FUT8: variants seen among roughly 807,000 people sequenced by gnomAD.
The protein encoded by FUT8 is fucosyltransferase 8, also known as alpha-(1,6)-fucosyltransferase.
In FUT8, 29 loss-of-function variants were observed where a neutral mutation model predicts 71.3. The ratio of observed to expected loss-of-function variants is 0.41; its 90% CI spans 0.30 to 0.55. FUT8 has a LOEUF of 0.55. Among genes scored for constraint, FUT8 ranks in the 20% least tolerant of loss-of-function variants. The pLI, the probability that FUT8 is intolerant of heterozygous loss-of-function variation, is 0.34. For missense variants in FUT8, 544 were observed against 702.1 expected (o/e 0.77, Z 2.55); for synonymous variants, 254 against 239.3 (o/e 1.06, Z -0.57).
At chr14:65,712,474 C>T (rs1345198572) in intron 7 of FUT8, among the ~76,000 whole-genome samples, 4 of 152,136 alleles carry the variant, frequency 2.6e-5, no homozygotes, top group Admixed American at 6.5e-5. Context: ...GACGAAGTTT[C>T]GCTCTATTGC....
chr14:65,480,890 A>G (rs1026712249), intron 2 of FUT8, among the ~76,000 whole-genome samples: 6 of 151,926 alleles, frequency 3.9e-5, no homozygotes, highest in East Asian at 1.9e-4. Flanking sequence ...GGGTTTCACC[A>G]TGTTGGCTAG....
chr14:65,627,072 AT>A lies in FUT8; in HGVS notation c.483-2416del, dbSNP rs2140255071. On this transcript the variant is annotated intron_variant, in intron 5 of 10. Coordinates refer to ENST00000673929, the MANE Select transcript of FUT8 (RefSeq NM_001371533.1). The surrounding 1 kb of genome is among the most constrained non-coding windows in gnomAD (Gnocchi z 4.0). ...ATTCATCTAAAGATATTTATCGAAT[AT>A]TTTGTCTGTGACATGCACTGTTCCA... 1.3e-5 allele frequency among the ~76,000 whole-genome samples: 2 copies of A among 152,334 alleles called. No homozygotes were observed. The highest frequency in any genetic ancestry group is 4.8e-5 in the African/African-American group (2 of 41,584).
chr14:65,454,339 T>G (rs1164102607), intron 1 of FUT8, among the ~76,000 whole-genome samples: 1 of 152,066 alleles, frequency 6.6e-6, no homozygotes, highest in African/African-American at 2.4e-5. Flanking sequence ...AATAAAGCAT[T>G]ATACAGGCTG....
intron 2 of FUT8, among the ~76,000 whole-genome samples, chr14:65,506,035 C>T (rs1341816467): frequency 1.3e-5 from 2 of 152,140 alleles, no homozygotes; most frequent in Admixed American, 6.5e-5. Context: ...ACTGTTGTAC[C>T]TAATGCACCA....
rs1222817416 is a variant in FUT8, at chr14:65,611,223, GCACACACACACACACACACACA to G, written c.204-4697_204-4676del. Among the ~76,000 whole-genome samples, 2 of 3,214 alleles carry G rather than the reference GCACACACACACACACACACACA, an allele frequency of 6.2e-4. 1 individual carries two copies. Among genetic ancestry groups the G allele is most frequent in the African/African-American group, 1.0e-3 (2 of 1,978 alleles). The allele number at this position is 3,214 out of a possible 152,430, so 2.1% of individuals were successfully genotyped here. ...CGCGCGCGCGCGCGCGCGCGCGCGC[GCACACACACACACACACACACA>G]CACACACACACACACACACACACAC... On this transcript the variant is annotated intron_variant, in intron 3 of 10. Coordinates refer to ENST00000673929, the MANE Select transcript of FUT8 (RefSeq NM_001371533.1).
At chr14:65,422,953 T>C (rs967196814) in intron 1 of FUT8, among the ~76,000 whole-genome samples, 6 of 151,418 alleles carry the variant, frequency 4.0e-5, no homozygotes, top group African/African-American at 1.5e-4. Context: ...CCACTGCACC[T>C]GGCCTCCTCA....
chr14:65,516,778 G>A (rs1269674428), intron 2 of FUT8, among the ~76,000 whole-genome samples: 1 of 151,762 alleles, frequency 6.6e-6, no homozygotes, highest in Non-Finnish European at 1.5e-5. Context: ...TCATTTTTAA[G>A]TATACAGTTC....
At chr14:65,541,571 C>G (rs886700104) in intron 2 of FUT8, among the ~76,000 whole-genome samples, 1 of 152,150 alleles carries the variant, frequency 6.6e-6, no homozygotes, top group Non-Finnish European at 1.5e-5. Context: ...AGAATTCACC[C>G]ATCCTCAACC....
intron 7 of FUT8, among the ~76,000 whole-genome samples, chr14:65,680,506 G>A (rs1043298866): frequency 2.6e-5 from 4 of 152,066 alleles, no homozygotes; most frequent in Non-Finnish European, 2.9e-5. Context: ...AGTAATATAT[G>A]GATCTATTTC....
chr14:65,722,756 T>C (rs1895482005), intron 8 of FUT8, among the ~76,000 whole-genome samples: 1 of 152,180 alleles, frequency 6.6e-6, no homozygotes, highest in Non-Finnish European at 1.5e-5. Flanking sequence ...TATGATTGTA[T>C]CCACATCTGG....
chr14:65,463,694 T>C (rs1333552428), intron 2 of FUT8, among the ~76,000 whole-genome samples: 1 of 152,216 alleles, frequency 6.6e-6, no homozygotes, highest in Non-Finnish European at 1.5e-5. Flanking sequence ...CCTGGGGCCA[T>C]GGTGGCTGAT....
At chr14:65,419,868 C>T (rs549615519) in intron 1 of FUT8, among the ~76,000 whole-genome samples, 53 of 152,268 alleles carry the variant, frequency 3.5e-4, no homozygotes, top group African/African-American at 1.2e-3. Context: ...CTGATTGCTT[C>T]GTGACATAAT....
intron 1 of FUT8, among the ~76,000 whole-genome samples, chr14:65,416,949 A>G (rs981287437): frequency 6.6e-6 from 1 of 151,720 alleles, no homozygotes; most frequent in Non-Finnish European, 1.5e-5. Flanking sequence ...ATGCGTGGCT[A>G]ATTATTTTTT....
At chr14:65,684,182 C>A (rs1384619520) in intron 7 of FUT8, among the ~76,000 whole-genome samples, 1 of 151,804 alleles carries the variant, frequency 6.6e-6, no homozygotes, top group Non-Finnish European at 1.5e-5. Context: ...CTATAATATA[C>A]CCTTAAATAT....
chr14:65,412,697 A>T (rs1182956911), upstream of FUT8: 1 of 181,970 alleles, frequency 5.5e-6, no homozygotes, highest in African/African-American at 2.4e-5. Context: ...GCCCTCTCCC[A>T]GAAGCCAGGA....
chr14:65,406,944 G>A (rs1175248982), upstream of FUT8, among the ~76,000 whole-genome samples: 1 of 152,168 alleles, frequency 6.6e-6, no homozygotes, highest in Admixed American at 6.6e-5. Context: ...ATGGGGTGAT[G>A]CCAAGCTTGA....
chr14:65,418,145 C>A (rs1299320771), intron 1 of FUT8, among the ~76,000 whole-genome samples: 1 of 152,128 alleles, frequency 6.6e-6, no homozygotes, highest in Non-Finnish European at 1.5e-5. Context: ...GAATAAACTT[C>A]ATGATATAAA....
chr14:65,690,695 G>A (rs779833630), intron 7 of FUT8, among the ~76,000 whole-genome samples: 6 of 149,548 alleles, frequency 4.0e-5, no homozygotes, highest in Non-Finnish European at 7.4e-5. Flanking sequence ...AAATTTCATT[G>A]CCCATTGGTG....
chr14:65,515,625 CACAA>C (rs1490817574), intron 2 of FUT8, among the ~76,000 whole-genome samples: 1 of 151,964 alleles, frequency 6.6e-6, no homozygotes, highest in East Asian at 1.9e-4. Context: ...AGTCAGGACT[CACAA>C]ACAAATCATG....
Sources: gnomAD v4.1 joint callset for allele counts (sites outside exome capture counted in the v4.1 genomes callset) on GRCh38, gnomAD v4.1.1 for gene constraint, Gnocchi (gnomAD v3.1) non-coding constraint, MANE v1.5 for transcripts, NCBI Gene and HGNC (gene_info 2026-07-23, HGNC 2026-07-21) for gene names.